Variants in SMTNL1 observed in about 807,000 individuals in gnomAD.
SMTNL1 encodes smoothelin like 1.
In SMTNL1, 41 loss-of-function variants were observed where a neutral mutation model predicts 46.6. That is an observed-to-expected ratio of 0.88 (90% CI 0.69 to 1.14). SMTNL1 has a LOEUF of 1.14. SMTNL1 is among the 50% of genes most tolerant of loss of function. SMTNL1 has a pLI of 0.00. For synonymous variants in SMTNL1, 234 were observed against 234.2 expected (o/e 1.00, Z 0.01); for missense variants, 591 against 626.1 (o/e 0.94, Z 0.60).
At position 57,543,131 on chromosome 11, in the gene SMTNL1, G is replaced by A. The variant is rs776708662; in HGVS notation, c.489G>A (p.Lys163=). ...DANDRDKPEP[K]ATVEEEDAKT... ...ATGACAGAGACAAGCCTGAACCTAA[G>A]GCAACAGTTGAGGAGGAGGACGCCA... is the stretch of plus-strand genomic sequence containing the variant. Residue 163 remains lysine, a synonymous_variant, in exon 2 of 8, where the codon AAG becomes AAA. Transcript: ENST00000527972. 6.8e-6 allele frequency: 11 copies of A among 1,613,126 alleles called. No homozygotes were observed. The highest frequency in any genetic ancestry group is 6.7e-5 in the African/African-American group (5 of 74,928).
At position 57,543,051 on chromosome 11, in the gene SMTNL1, C is replaced by A. The variant is rs1457731235; in HGVS notation, c.409C>A (p.Gln137Lys). The change falls in exon 2 of 8, where the codon CAG (glutamine) becomes AAG (lysine). Residue 137 changes from glutamine to lysine, a missense_variant. By Grantham distance (53) the Gln-to-Lys change is moderately conservative (BLOSUM62 1). Coordinates refer to ENST00000527972, the MANE Select transcript of SMTNL1 (RefSeq NM_001105565.3). ...EKESTLASEK[Q>K]KAEEKEAKPE... The stretch of plus-strand genomic sequence containing the variant: ...GGAGAGCACGCTGGCCTCTGAGAAG[C>A]AGAAGGCTGAGGAGAAAGAGGCCAA... 2 of 1,607,010 alleles carry A rather than the reference C, an allele frequency of 1.2e-6. No homozygotes were observed. Among genetic ancestry groups the A allele is most frequent in the Admixed American group, 3.4e-5 (2 of 58,632 alleles).
intron 7 of SMTNL1, among the ~76,000 whole-genome samples, 157 bp from the exon 8 acceptor site, chr11:57,549,811 G>T (rs931014230): frequency 3.3e-5 from 5 of 152,172 alleles, no homozygotes; most frequent in African/African-American, 1.2e-4. Context: ...ATCTCATCTA[G>T]ATATATAATG....
intron 7 of SMTNL1, among the ~76,000 whole-genome samples, chr11:57,546,960 C>T (rs915599608): frequency 4.0e-5 from 6 of 151,884 alleles, no homozygotes; most frequent in Non-Finnish European, 7.4e-5. Flanking sequence ...TAGTGAGACC[C>T]CCATCTCTAC....
At chr11:57,545,803 C>A in intron 4 of SMTNL1, 78 bp from the exon 5 acceptor site, 1 of 1,364,310 alleles carries the variant, frequency 7.3e-7, no homozygotes, top group Non-Finnish European at 1.0e-6. Context: ...ACCCACCCTC[C>A]AGCCCCACAG....
rs1460629277 is a variant in SMTNL1, at chr11:57,542,984, G to A, written c.342G>A (p.Arg114=). The A allele has an allele frequency of 1.2e-6, 2 of 1,601,758 alleles. No homozygotes were observed. Among genetic ancestry groups the A allele is most frequent in the South Asian group, 2.2e-5 (2 of 89,044 alleles). Residue 114 remains arginine, a synonymous_variant, in exon 2 of 8, where the codon AGG becomes AGA. Transcript: ENST00000527972. ...TTVGSQEMTG[R]KEETKSEPKE... ...TGGGTTCTCAGGAGATGACTGGCAG[G>A]AAAGAAGAGACCAAATCTGAACCCA...
At chr11:57,546,927 G>A (rs1944927812) in intron 7 of SMTNL1, among the ~76,000 whole-genome samples, 1 of 152,098 alleles carries the variant, frequency 6.6e-6, no homozygotes, top group African/African-American at 2.4e-5. Flanking sequence ...GAGGCCAGGA[G>A]TTTAAGACCA....
At chr11:57,548,394 G>A (rs1944935992) in intron 7 of SMTNL1, among the ~76,000 whole-genome samples, 1 of 152,154 alleles carries the variant, frequency 6.6e-6, no homozygotes, top group East Asian at 1.9e-4. Context: ...CCACAGCTGG[G>A]TGCAGTGGCT....
At chr11:57,543,969 T>A in intron 4 of SMTNL1, 49 bp downstream of exon 4, 1 of 1,536,512 alleles carries the variant, frequency 6.5e-7, no homozygotes, top group South Asian at 1.2e-5. Flanking sequence ...TACCTCCTGC[T>A]TCCCTCAGCG....
At chr11:57,549,446 C>T (rs1189043846) in intron 7 of SMTNL1, among the ~76,000 whole-genome samples, 2 of 152,198 alleles carry the variant, frequency 1.3e-5, no homozygotes, top group Non-Finnish European at 2.9e-5. Context: ...GTCCTGCGCC[C>T]ATGTGAGGAC....
rs373604640 is a variant in SMTNL1 at position 57,546,288 on chromosome 11, A to G, written c.1129A>G (p.Ile377Val). ...CAACACTAAGGCAGCCGGGGCAGCC[A>G]TTGGTGGTGTCAAGAACATGCTCTT... is the stretch of plus-strand genomic sequence containing the variant. Reference protein sequence around the residue: ...FRNTKAAGAAIGGVKNMLLEW... With the variant: ...FRNTKAAGAAVGGVKNMLLEW... Residue 377 changes from isoleucine (I) to valine (V), a missense_variant, in exon 6 of 8, where the codon ATT becomes GTT. Transcript: ENST00000527972. The G allele has an allele frequency of 8.7e-6, 14 of 1,611,338 alleles. No homozygotes were observed. The African/African-American group carries it at 9.3e-5, about 11-fold the overall frequency.
In SMTNL1 at chr11:57,542,891, G is replaced by T; in HGVS notation, c.249G>T (p.Glu83Asp). Residue 83 changes from glutamate (E) to aspartate (D), a missense_variant, in exon 2 of 8, where the codon GAG (glutamate) becomes GAT (aspartate). Coordinates refer to ENST00000527972, the MANE Select transcript of SMTNL1 (RefSeq NM_001105565.3). ...AGGTCAAAGTGGAATCTCAGAGGGA[G>T]GCTGGTGGGAAAGAGGATGCTGAGG... is the stretch of plus-strand genomic sequence containing the variant. ...LDEVKVESQR[E>D]AGGKEDAEAE... 4 of 1,610,738 alleles carry T rather than the reference G, an allele frequency of 2.5e-6. No individual in the cohort carries two copies. Among genetic ancestry groups the T allele is most frequent in the Non-Finnish European group, 3.4e-6 (4 of 1,178,426 alleles).
intron 4 of SMTNL1, 150 bp downstream of exon 4, chr11:57,544,070 C>A: frequency 1.1e-6 from 1 of 885,100 alleles, no homozygotes; most frequent in Non-Finnish European, 1.7e-6. Context: ...CAGGGCAGAG[C>A]CCAGGAAACA....
chr11:57,546,695 G>C, intron 7 of SMTNL1, 43 bp downstream of exon 7: 1 of 1,590,114 alleles, frequency 6.3e-7, no homozygotes, highest in Non-Finnish European at 8.6e-7. Context: ...TGGGAGCCTA[G>C]GCGAGGACTG....
chr11:57,543,673 C>A lies in SMTNL1; in HGVS notation c.782C>A (p.Pro261Gln). The change falls in exon 3 of 8, where the codon CCA becomes CAA. Residue 261 changes from proline to glutamine, a missense_variant. Transcript: ENST00000527972. Reference sequence around the variant, plus strand: ...CAGGAGCAGGACGTGGAAAAAGAGCCAGAGGGAGGGGCAGGGGTGATTCCC... The same window carrying A: ...CAGGAGCAGGACGTGGAAAAAGAGCAAGAGGGAGGGGCAGGGGTGATTCCC... ...EEQEQDVEKE[P>Q]EGGAGVIPSS... 2 of 1,602,700 alleles carry A rather than the reference C, an allele frequency of 1.2e-6. No individual in the cohort carries two copies. The highest frequency in any genetic ancestry group is 1.7e-6 in the Non-Finnish European group (2 of 1,175,128).
At chr11:57,541,297 T>C (rs536599614) in intron 1 of SMTNL1, among the ~76,000 whole-genome samples, 1 of 152,290 alleles carries the variant, frequency 6.6e-6, no homozygotes, top group East Asian at 1.9e-4. Context: ...GTATTTTTAG[T>C]GTGTGACAGG....
intron 7 of SMTNL1, 102 bp downstream of exon 7, chr11:57,546,754 C>T: frequency 1.5e-6 from 2 of 1,370,566 alleles, no homozygotes; most frequent in Non-Finnish European, 1.0e-6. Flanking sequence ...GCTGGTGCCA[C>T]ACATTCATGT....
rs1249519687 is a variant in SMTNL1 at position 57,546,304 on chromosome 11, A to G, written c.1145A>G (p.Asn382Ser). The change falls in exon 6 of 8, where the codon AAC (asparagine) becomes AGC (serine). Residue 382 changes from asparagine to serine, a missense_variant. Physicochemically the swap from Asn to Ser is conservative, Grantham distance 46 (BLOSUM62 1). Transcript: ENST00000527972. Reference sequence around the variant, plus strand: ...GGGGCAGCCATTGGTGGTGTCAAGAACATGCTCTTGGAGTGGTGCCGAGCC... The same window carrying G: ...GGGGCAGCCATTGGTGGTGTCAAGAGCATGCTCTTGGAGTGGTGCCGAGCC... ...AAGAAIGGVK[N>S]MLLEWCRAMT... 2 of 1,611,610 alleles carry G rather than the reference A, an allele frequency of 1.2e-6. No individual in the cohort carries two copies. The highest frequency in any genetic ancestry group is 1.3e-5 in the African/African-American group (1 of 74,992).
intron 7 of SMTNL1, among the ~76,000 whole-genome samples, chr11:57,548,175 C>G (rs1282885463): frequency 6.6e-6 from 1 of 152,160 alleles, no homozygotes; most frequent in African/African-American, 2.4e-5. Context: ...TCGGCCTCAG[C>G]AAAGCCAGTG....
At position 57,542,867 on chromosome 11, in the gene SMTNL1, G is replaced by A. The variant is rs778221257; in HGVS notation, c.225G>A (p.Glu75=). 20 of 1,612,406 alleles carry A rather than the reference G, an allele frequency of 1.2e-5. No individual in the cohort carries two copies. Among genetic ancestry groups the A allele is most frequent in the Non-Finnish European group, 1.6e-5 (19 of 1,179,234 alleles). Residue 75 remains glutamate, a synonymous_variant, in exon 2 of 8, where the codon GAG becomes GAA. Coordinates refer to ENST00000527972, the MANE Select transcript of SMTNL1 (RefSeq NM_001105565.3). ...AGGGGGAAGCAAATGGATTAGATGA[G>A]GTCAAAGTGGAATCTCAGAGGGAGG... is the stretch of plus-strand genomic sequence containing the variant. ...ELQGEANGLD[E]VKVESQREAG...
Sources: allele counts gnomAD v4.1 joint callset (sites outside exome capture counted in the v4.1 genomes callset), GRCh38; gene constraint gnomAD v4.1.1; transcripts MANE v1.5; gene names NCBI Gene and HGNC (gene_info 2026-07-23, HGNC 2026-07-21).